DPP10: variants seen among roughly 807,000 people sequenced by gnomAD.
DPP10 encodes dipeptidyl peptidase like 10, also known as inactive dipeptidyl peptidase 10.
A neutral mutation model predicts 120.9 loss-of-function variants in DPP10; 33 were observed. That is an observed-to-expected ratio of 0.27 (90% CI 0.21 to 0.37). The LOEUF (loss-of-function observed/expected upper bound fraction) is 0.37, where lower values mean the gene tolerates loss of function less well. DPP10 is among the 10% of genes least tolerant of loss of function. DPP10 has a pLI of 1.00. For missense variants in DPP10, 816 were observed against 942.8 expected (o/e 0.87, Z 1.76); for synonymous variants, 337 against 326.1 (o/e 1.03, Z -0.36).
chr2:114,717,023 C>T (rs1225233061), intron 1 of DPP10, among the ~76,000 whole-genome samples: 1 of 152,192 alleles, frequency 6.6e-6, no homozygotes, highest in African/African-American at 2.4e-5. Context: ...GCCAGTGCTG[C>T]CTGTGCCTTT....
chr2:115,299,448 A>T (rs1429805917), intron 1 of DPP10, among the ~76,000 whole-genome samples: 1 of 152,026 alleles, frequency 6.6e-6, no homozygotes, highest in African/African-American at 2.4e-5. Flanking sequence ...AAATACTGTA[A>T]GATGATGGAA....
intron 1 of DPP10, among the ~76,000 whole-genome samples, chr2:114,987,961 G>A (rs1310483748): frequency 1.3e-5 from 2 of 151,800 alleles, no homozygotes; most frequent in East Asian, 3.9e-4. Context: ...CTGCCACCAC[G>A]CCCGGCTAAT....
rs186798964 is a variant in DPP10, at chr2:114,895,664, C to T, written c.61-413575C>T. Among the ~76,000 whole-genome samples, 53 of 152,248 alleles carry T rather than the reference C, an allele frequency of 3.5e-4. 1 individual carries two copies. In the East Asian group the frequency reaches 7.7e-3, roughly 22 times the overall value. On this transcript the variant is annotated intron_variant, in intron 1 of 25. Transcript: ENST00000410059. The stretch of plus-strand genomic sequence containing the variant: ...TCTCACATTTTGATCACGTCATGAA[C>T]ATTTTTTGTTTTAAGCCACTTTGGT...
chr2:115,504,555 G>A (rs928330750), intron 4 of DPP10, among the ~76,000 whole-genome samples: 1 of 151,784 alleles, frequency 6.6e-6, no homozygotes, highest in Admixed American at 6.6e-5. Flanking sequence ...ATTTAAAAAT[G>A]ATTATTTATG....
intron 1 of DPP10, among the ~76,000 whole-genome samples, chr2:115,066,178 GATTC>G (rs1271091327): frequency 6.6e-6 from 1 of 151,994 alleles, no homozygotes; most frequent in African/African-American, 2.4e-5. Flanking sequence ...TACAAATAAG[GATTC>G]ATTAACTTAT....
At position 114,870,832 on chromosome 2, in the gene DPP10, C is replaced by T. The variant is rs544506928; in HGVS notation, c.60+427994C>T. ...ACATAGATTTCCTCTTAACAGAGAA[C>T]GTCCATCGGGATCTTTTCATGAACA... On this transcript the variant is annotated intron_variant, in intron 1 of 25. Coordinates refer to ENST00000410059, the MANE Select transcript of DPP10 (RefSeq NM_020868.6). Among the ~76,000 whole-genome samples, 4 of 135,554 alleles carry T rather than the reference C, an allele frequency of 3.0e-5. 1 individual carries two copies. The South Asian group carries it at 7.0e-4, about 24-fold the overall frequency. The allele number at this position is 135,554 out of a possible 152,430, so 88.9% of individuals were successfully genotyped here. A position where few individuals can be genotyped will look rare whatever the true frequency, so the allele number is the denominator to read the frequency against.
chr2:114,529,445 C>T (rs1259716129), intron 1 of DPP10, among the ~76,000 whole-genome samples: 1 of 152,124 alleles, frequency 6.6e-6, no homozygotes, highest in African/African-American at 2.4e-5. Context: ...ACAGAAATAG[C>T]TCTAATGTGG....
intron 2 of DPP10, among the ~76,000 whole-genome samples, chr2:115,311,398 C>T (rs150801147): frequency 6.6e-6 from 1 of 152,274 alleles, no homozygotes; most frequent in Non-Finnish European, 1.5e-5. Flanking sequence ...GAAACCATGA[C>T]AAGCAGTGTT....
intron 1 of DPP10, among the ~76,000 whole-genome samples, chr2:115,104,709 G>GA (rs1387128766): frequency 2.6e-5 from 4 of 151,828 alleles, no homozygotes; most frequent in South Asian, 2.1e-4. Flanking sequence ...TGTTATGTAG[G>GA]AAAAAAAATC....
intron 1 of DPP10, among the ~76,000 whole-genome samples, chr2:114,481,962 G>C (rs1445435683): frequency 7.1e-6 from 1 of 141,628 alleles, no homozygotes; most frequent in Non-Finnish European, 1.5e-5. Context: ...GAGGAGAGGA[G>C]AGAGAGAGAG....
At chr2:115,442,874 C>T (rs2072206828) in intron 3 of DPP10, among the ~76,000 whole-genome samples, 1 of 152,086 alleles carries the variant, frequency 6.6e-6, no homozygotes, top group South Asian at 2.1e-4. Context: ...TGAGTTGTCT[C>T]GAACAGTTCT....
intron 1 of DPP10, among the ~76,000 whole-genome samples, chr2:114,468,193 C>T (rs540586464): frequency 2.0e-5 from 3 of 151,946 alleles, no homozygotes; most frequent in African/African-American, 7.2e-5. Flanking sequence ...GTTCAGTTAC[C>T]TTTCTAAGGT....
At chr2:114,553,495 G>A (rs1484279274) in intron 1 of DPP10, among the ~76,000 whole-genome samples, 1 of 152,214 alleles carries the variant, frequency 6.6e-6, no homozygotes, top group African/African-American at 2.4e-5. Flanking sequence ...TTCCCCTGGG[G>A]AGAGCGATAT....
chr2:115,335,736 C>G (rs1360954894), intron 2 of DPP10, among the ~76,000 whole-genome samples: 14 of 151,966 alleles, frequency 9.2e-5, no homozygotes, highest in Admixed American at 7.2e-4. Context: ...GATGTTATTT[C>G]AATCAGCTAG....
intron 21 of DPP10, among the ~76,000 whole-genome samples, chr2:115,818,698 C>T (rs1350071876): frequency 6.6e-6 from 1 of 152,114 alleles, no homozygotes; most frequent in Non-Finnish European, 1.5e-5. Context: ...TGGGCCGAGA[C>T]GATAGAGGAT....
At chr2:115,195,210 A>G (rs1365685401) in intron 1 of DPP10, among the ~76,000 whole-genome samples, 1 of 152,166 alleles carries the variant, frequency 6.6e-6, no homozygotes, top group Non-Finnish European at 1.5e-5. Context: ...GGCTTTCAAG[A>G]TAGTTCTTTT....
chr2:115,834,315 T>C (rs1689227501), intron 21 of DPP10, among the ~76,000 whole-genome samples: 2 of 152,142 alleles, frequency 1.3e-5, no homozygotes, highest in Admixed American at 1.3e-4. Flanking sequence ...TGGACCACAC[T>C]TGAGTCATCT....
chr2:115,488,655 T>C (rs1179873396), intron 3 of DPP10, among the ~76,000 whole-genome samples: 2 of 103,372 alleles, frequency 1.9e-5, no homozygotes, highest in Non-Finnish European at 3.9e-5. Flanking sequence ...CCGCATATTC[T>C]CACTCATAGG....
At chr2:115,077,206 C>G (rs1707878711) in intron 1 of DPP10, among the ~76,000 whole-genome samples, 1 of 152,158 alleles carries the variant, frequency 6.6e-6, no homozygotes. Flanking sequence ...TAATATATAA[C>G]TCTATATAAT....
Sources: gnomAD v4.1 joint callset for allele counts (sites outside exome capture counted in the v4.1 genomes callset) on GRCh38, gnomAD v4.1.1 for gene constraint, MANE v1.5 for transcripts, NCBI Gene and HGNC (gene_info 2026-07-23, HGNC 2026-07-21) for gene names.